Variants in SERPINE2 observed in about 807,000 individuals in gnomAD.
The protein encoded by SERPINE2 is glia-derived nexin.
A neutral mutation model predicts 36.3 loss-of-function variants in SERPINE2; 14 were observed. The ratio of observed to expected loss-of-function variants is 0.39; its 90% CI spans 0.25 to 0.60. The LOEUF (loss-of-function observed/expected upper bound fraction) is 0.60, where lower values mean the gene tolerates loss of function less well. Ranked by LOEUF, SERPINE2 falls within the 20% of genes least tolerant of loss-of-function variation. The pLI, the probability that SERPINE2 is intolerant of heterozygous loss-of-function variation, is 0.57. For missense variants in SERPINE2, 418 were observed against 499.6 expected (o/e 0.84, Z 1.56); for synonymous variants, 192 against 191.8 (o/e 1.00, Z -0.01).
In SERPINE2 at chr2:224,001,786, A is replaced by C; in HGVS notation, c.115T>G (p.Phe39Val). ...ELGSNTGIQV[F>V]NQIVKSRPHD... ...GGCCTCGACTTCACAATCTGATTGA[A>C]AACCTGGATCCCCGTGTTGGAGCCT... is the stretch of plus-strand genomic sequence containing the variant. Residue 39 changes from phenylalanine (F) to valine (V), a missense_variant, in exon 2 of 9, where the codon TTC becomes GTC. By Grantham distance (50) the Phe-to-Val change is conservative. Coordinates refer to ENST00000409304, the MANE Select transcript of SERPINE2 (RefSeq NM_001136528.2). 2.5e-6 allele frequency: 4 copies of C among 1,614,110 alleles called. No homozygotes were observed. The highest frequency in any genetic ancestry group is 3.4e-6 in the Non-Finnish European group (4 of 1,180,028).
intron 1 of SERPINE2, among the ~76,000 whole-genome samples, chr2:224,024,759 G>A (rs1011532914): frequency 6.6e-6 from 1 of 152,198 alleles, no homozygotes; most frequent in Non-Finnish European, 1.5e-5. Context: ...CTGCTGCCCT[G>A]CTGCCAACAT....
chr2:224,032,399 G>A (rs1192515514), intron 1 of SERPINE2, among the ~76,000 whole-genome samples: 2 of 152,142 alleles, frequency 1.3e-5, no homozygotes, highest in Non-Finnish European at 2.9e-5. Flanking sequence ...ACTACATGGA[G>A]GGCGAAAGTT....
intron 8 of SERPINE2, among the ~76,000 whole-genome samples, chr2:223,976,795 C>T (rs1690029671): frequency 6.6e-6 from 1 of 152,220 alleles, no homozygotes; most frequent in Non-Finnish European, 1.5e-5. Context: ...ACTGTATTAA[C>T]AATTCCCAAG....
At chr2:224,022,524 C>T (rs183066976) in intron 1 of SERPINE2, among the ~76,000 whole-genome samples, 1 of 152,070 alleles carries the variant, frequency 6.6e-6, no homozygotes. Flanking sequence ...AATCACCTGT[C>T]ACCAGGGGCT....
intron 3 of SERPINE2, among the ~76,000 whole-genome samples, chr2:223,993,873 ACAT>A (rs1690774235): frequency 6.6e-6 from 1 of 152,204 alleles, no homozygotes; most frequent in South Asian, 2.1e-4. Flanking sequence ...CCATAAACAG[ACAT>A]CATTCAACTC....
intron 3 of SERPINE2, among the ~76,000 whole-genome samples, chr2:223,992,241 A>T (rs1465014378): frequency 4.6e-5 from 7 of 152,220 alleles, no homozygotes; most frequent in Non-Finnish European, 8.8e-5. Flanking sequence ...GCTAGGGGTT[A>T]CAAAACTTTT....
intron 2 of SERPINE2, among the ~76,000 whole-genome samples, chr2:223,998,616 T>C (rs959119105): frequency 6.6e-6 from 1 of 152,040 alleles, no homozygotes; most frequent in East Asian, 1.9e-4. Flanking sequence ...TTGAGGAGGC[T>C]GAGGTGGGAG....
rs1416735520 is a variant in SERPINE2, at chr2:223,975,097, G to A, written c.*770C>T. 2.6e-5 allele frequency: 4 copies of A among 152,224 alleles called. No homozygotes were observed. Among genetic ancestry groups the A allele is most frequent in the Admixed American group, 2.0e-4 (3 of 15,280 alleles). 9.4% of individuals were successfully genotyped at this position (152,224 alleles called of 1,614,324 possible). A position where few individuals can be genotyped will look rare whatever the true frequency, so the allele number is the denominator to read the frequency against. ...CAAAGGTTTATTAGAAGAGGCTGACGAATGTCTAAAAGGCTCAGTTTCTTC... is the reference window on the plus strand; with the variant it reads ...CAAAGGTTTATTAGAAGAGGCTGACAAATGTCTAAAAGGCTCAGTTTCTTC... On this transcript the variant is annotated 3_prime_UTR_variant, in exon 9 of 9. Coordinates refer to ENST00000409304, the MANE Select transcript of SERPINE2 (RefSeq NM_001136528.2).
At chr2:224,000,138 A>C (rs887516410) in intron 2 of SERPINE2, among the ~76,000 whole-genome samples, 3 of 152,308 alleles carry the variant, frequency 2.0e-5, no homozygotes, top group Admixed American at 1.3e-4. Flanking sequence ...CCAGCTGACG[A>C]CGCCAGTGCA....
rs1229721438 is a variant in SERPINE2, at chr2:223,991,900, C to A, written c.588G>T (p.Arg196=). ...AVYFKGLWKS[R]FQPENTKKRT... Reference sequence around the variant, plus strand: ...GTTTCTTTGTGTTCTCGGGTTGGAACCGTGATTTCCACAGACCCTTGAAAT... The same window carrying A: ...GTTTCTTTGTGTTCTCGGGTTGGAAACGTGATTTCCACAGACCCTTGAAAT... The change falls in exon 4 of 9, where the codon CGG becomes CGT. Residue 196 remains arginine, a synonymous_variant. Transcript: ENST00000409304. The A allele has an allele frequency of 6.2e-7, 1 of 1,612,962 alleles. No homozygotes were observed. The highest frequency in any genetic ancestry group is 8.5e-7 in the Non-Finnish European group (1 of 1,179,496).
rs1303176873 is a variant in SERPINE2 at position 224,017,355 on chromosome 2, C to T, written c.-22-15433G>A. Among the ~76,000 whole-genome samples, 9 of 152,090 alleles carry T rather than the reference C, an allele frequency of 5.9e-5. No homozygotes were observed. The South Asian group carries it at 1.5e-3, about 25-fold the overall frequency. On this transcript the variant is annotated intron_variant, in intron 1 of 8. Transcript: ENST00000409304. ...CTACTGTAAAATTTTAGTCAGCAAA[C>T]AAATGCCAATGTACCTTAAGACAGA...
At chr2:224,016,654 T>G (rs972169049) in intron 1 of SERPINE2, among the ~76,000 whole-genome samples, 1 of 152,142 alleles carries the variant, frequency 6.6e-6, no homozygotes, top group African/African-American at 2.4e-5. Context: ...TGAAAATCAT[T>G]TCACATAAAA....
intron 1 of SERPINE2, among the ~76,000 whole-genome samples, chr2:224,027,797 G>A (rs1692233870): frequency 6.6e-6 from 1 of 152,124 alleles, no homozygotes; most frequent in African/African-American, 2.4e-5. Context: ...CTGTTTTGCA[G>A]ATACTTCTGT....
chr2:224,011,592 AAC>A (rs1210958853), intron 1 of SERPINE2, among the ~76,000 whole-genome samples: 1 of 152,212 alleles, frequency 6.6e-6, no homozygotes, highest in Non-Finnish European at 1.5e-5. Flanking sequence ...ACGAGAAACT[AAC>A]ACTCTCTGGA....
intron 1 of SERPINE2, among the ~76,000 whole-genome samples, chr2:224,017,828 T>C (rs941175373): frequency 1.3e-5 from 2 of 152,202 alleles, no homozygotes; most frequent in Non-Finnish European, 2.9e-5. Flanking sequence ...TTTACCACCA[T>C]CATCACGAAG....
intron 1 of SERPINE2, among the ~76,000 whole-genome samples, chr2:224,003,525 G>T (rs1691273299): frequency 6.6e-6 from 1 of 152,174 alleles, no homozygotes; most frequent in South Asian, 2.1e-4. Context: ...AGGACAATTG[G>T]TAAATTCATC....
At chr2:224,002,965 C>T (rs149416069) in intron 1 of SERPINE2, among the ~76,000 whole-genome samples, 1 of 152,120 alleles carries the variant, frequency 6.6e-6, no homozygotes, top group South Asian at 2.1e-4. Flanking sequence ...AATAAGCCAG[C>T]AAGCAATAAA....
chr2:224,003,655 G>A (rs142900965), intron 1 of SERPINE2, among the ~76,000 whole-genome samples: 1 of 152,276 alleles, frequency 6.6e-6, no homozygotes, highest in African/African-American at 2.4e-5. Context: ...GTAAGAGGTA[G>A]GAAATTTACA....
At chr2:224,016,415 A>C (rs1691800155) in intron 1 of SERPINE2, among the ~76,000 whole-genome samples, 1 of 151,884 alleles carries the variant, frequency 6.6e-6, no homozygotes, top group African/African-American at 2.4e-5. Context: ...CTGAAGCAGG[A>C]GAATCGCTTG....
Sources: gnomAD v4.1 joint callset for allele counts (sites outside exome capture counted in the v4.1 genomes callset) on GRCh38, gnomAD v4.1.1 for gene constraint, MANE v1.5 for transcripts, NCBI Gene and HGNC (gene_info 2026-07-23, HGNC 2026-07-21) for gene names.